The following CERS3 variants were observed in gnomAD, a reference collection of about 807,000 sequenced individuals.
CERS3 encodes the protein LAG1 homolog, ceramide synthase 3.
Under a neutral mutation model 50.3 loss-of-function variants are expected in CERS3, and 33 were observed. The ratio of observed to expected loss-of-function variants is 0.66; its 90% CI spans 0.50 to 0.88. CERS3 has a LOEUF of 0.88. Ranked by LOEUF, CERS3 falls within the 40% of genes least tolerant of loss-of-function variation. The pLI is 0.00. For synonymous variants in CERS3, 176 were observed against 155.2 expected, an observed-to-expected ratio of 1.13 and a Z score of -0.99; for missense variants, 470 against 460.3, an observed-to-expected ratio of 1.02 and a Z score of -0.19.
intron 2 of CERS3, among the ~76,000 whole-genome samples, chr15:100,506,470 C>CGCCCCACG (rs1555533169): frequency 7.5e-6 from 1 of 133,512 alleles, no homozygotes; most frequent in African/African-American, 3.0e-5. Flanking sequence ...GACCCCCCCG[C>CGCCCCACG]CGCCCCACAC....
intron 3 of CERS3, among the ~76,000 whole-genome samples, chr15:100,491,524 C>A (rs11638982): frequency 0.43 from 66,113 of 152,008 alleles, 15,006 homozygotes; most frequent in Middle Eastern, 0.52. Context: ...TACTGTCAGC[C>A]TTGGCAATTC....
intron 2 of CERS3, among the ~76,000 whole-genome samples, chr15:100,516,662 T>C (rs1427944812): frequency 6.6e-6 from 1 of 152,230 alleles, no homozygotes; most frequent in East Asian, 1.9e-4. Context: ...TCCTGTGGCT[T>C]CATAGCCTCC....
At chr15:100,407,986 C>T (rs2031187137) in intron 11 of CERS3, among the ~76,000 whole-genome samples, 1 of 152,192 alleles carries the variant, frequency 6.6e-6, no homozygotes, top group Non-Finnish European at 1.5e-5. Context: ...ATTCTCCTGC[C>T]TCAGCCCCCT....
intron 2 of CERS3, among the ~76,000 whole-genome samples, chr15:100,506,445 G>T (rs1400320001): frequency 1.4e-5 from 2 of 145,468 alleles, no homozygotes; most frequent in African/African-American, 5.1e-5. Context: ...TGCTGACGGG[G>T]TGTGAAGAAA....
chr15:100,414,215 C>T (rs939329218), intron 11 of CERS3, among the ~76,000 whole-genome samples: 1 of 152,084 alleles, frequency 6.6e-6, no homozygotes, highest in Non-Finnish European at 1.5e-5. Context: ...AGGAATATAG[C>T]TAACAAGGGA....
intron 11 of CERS3, among the ~76,000 whole-genome samples, chr15:100,440,707 G>C (rs993964760): frequency 6.6e-6 from 1 of 152,192 alleles, no homozygotes; most frequent in African/African-American, 2.4e-5. Context: ...TACGACCTCA[G>C]GTCCTCAGAC....
chr15:100,482,738 G>A (rs1368541647), intron 5 of CERS3, among the ~76,000 whole-genome samples: 1 of 152,114 alleles, frequency 6.6e-6, no homozygotes, highest in Non-Finnish European at 1.5e-5. Flanking sequence ...TCATCCCTCT[G>A]GATGTTACAA....
At chr15:100,530,951 G>T (rs1395178206), upstream of CERS3, among the ~76,000 whole-genome samples, 1 of 152,164 alleles carries the variant, frequency 6.6e-6, no homozygotes. Flanking sequence ...GGGCATGGTG[G>T]TGGGCGCCTG....
At chr15:100,461,187 T>G (rs554251395) in intron 10 of CERS3, among the ~76,000 whole-genome samples, 1 of 152,182 alleles carries the variant, frequency 6.6e-6, no homozygotes, top group Non-Finnish European at 1.5e-5. Flanking sequence ...ACACCACTAA[T>G]TTCTTGGCTC....
intron 11 of CERS3, among the ~76,000 whole-genome samples, chr15:100,442,722 C>CTG (rs1471265532): frequency 6.9e-6 from 1 of 145,254 alleles, no homozygotes; most frequent in African/African-American, 2.9e-5. Context: ...GGCTCTCTGA[C>CTG]TGACTCCTTC....
At chr15:100,461,545 GAA>G (rs1295214750) in intron 10 of CERS3, among the ~76,000 whole-genome samples, 1 of 152,162 alleles carries the variant, frequency 6.6e-6, no homozygotes, top group Non-Finnish European at 1.5e-5. Context: ...TTGACAAATG[GAA>G]AGTGCCTATT....
At chr15:100,544,265 C>CA (rs1455192957) in intron 1 of CERS3, 1 of 152,332 alleles carries the variant, frequency 6.6e-6, no homozygotes, top group African/African-American at 2.4e-5. Context: ...ACGGACTTTG[C>CA]AAGGCCCAGT....
chr15:100,402,773 A>G lies in CERS3; in HGVS notation c.1092T>C (p.Cys364=). 1 of 1,614,160 alleles carries G rather than the reference A, an allele frequency of 6.2e-7. No individual in the cohort carries two copies. The highest frequency in any genetic ancestry group is 8.5e-7 in the Non-Finnish European group (1 of 1,180,026). ...TCTCAGCCCTGAGGCCGTTCTTTAA[A>G]CAATCCATCTCTTTGCCTTTGGTAG... ...EEATKGKEMD[C]LKNGLRAERH... is the part of the protein sequence containing the mutation. Residue 364 remains cysteine (C), a synonymous_variant, in exon 12 of 12, where the codon TGT becomes TGC. Coordinates refer to ENST00000679737, the MANE Select transcript of CERS3 (RefSeq NM_001378789.1).
At chr15:100,517,845 G>A (rs878696) in intron 2 of CERS3, among the ~76,000 whole-genome samples, 1,682 of 152,252 alleles carry the variant, frequency 0.011, 55 homozygotes, top group Admixed American at 0.062. Context: ...AATGGTGCAG[G>A]AGTGCAGAAA....
At chr15:100,509,694 G>C (rs1232072275) in intron 2 of CERS3, among the ~76,000 whole-genome samples, 1 of 152,196 alleles carries the variant, frequency 6.6e-6, no homozygotes, top group Non-Finnish European at 1.5e-5. Context: ...TAGGTGACCG[G>C]CATTCTCTGG....
At chr15:100,459,505 T>C (rs1243930863) in intron 10 of CERS3, among the ~76,000 whole-genome samples, 1 of 152,186 alleles carries the variant, frequency 6.6e-6, no homozygotes, top group Non-Finnish European at 1.5e-5. Context: ...TTTGCCTTGT[T>C]GCACAGGCTG....
At chr15:100,422,811 C>A (rs1435028157) in intron 11 of CERS3, among the ~76,000 whole-genome samples, 35 of 143,074 alleles carry the variant, frequency 2.4e-4, no homozygotes, top group Non-Finnish European at 1.2e-4. Context: ...TGGAAATCAT[C>A]ATTCTCAGTA....
intron 5 of CERS3, among the ~76,000 whole-genome samples, chr15:100,482,221 C>T (rs1331954137): frequency 1.3e-5 from 2 of 151,902 alleles, no homozygotes; most frequent in African/African-American, 2.4e-5. Context: ...TTATTTTTTT[C>T]CAGGAAAGAA....
At chr15:100,405,446 C>A (rs1469466252) in intron 11 of CERS3, among the ~76,000 whole-genome samples, 1 of 152,056 alleles carries the variant, frequency 6.6e-6, no homozygotes, top group East Asian at 1.9e-4. Flanking sequence ...CTGGCAATAC[C>A]AAGCACTGAC....
Sources: gnomAD v4.1 joint callset for allele counts (sites outside exome capture counted in the v4.1 genomes callset) on GRCh38, gnomAD v4.1.1 for gene constraint, MANE v1.5 for transcripts, NCBI Gene and HGNC (gene_info 2026-07-23, HGNC 2026-07-21) for gene names.